Variants in PTPDC1 observed in about 807,000 individuals in gnomAD.
The protein encoded by PTPDC1 is protein tyrosine phosphatase domain-containing protein 1.
In PTPDC1, 53 loss-of-function variants were observed where a neutral mutation model predicts 75.3. The observed-to-expected ratio is 0.70, with a 90% CI of 0.56 to 0.88. The LOEUF is 0.88. PTPDC1 is among the 40% of genes least tolerant of loss of function. The pLI, the probability that PTPDC1 is intolerant of heterozygous loss-of-function variation, is 0.00. For synonymous variants in PTPDC1, 349 were observed against 366.2 expected, an observed-to-expected ratio of 0.95 and a Z score of 0.54; for missense variants, 925 against 998.6, an observed-to-expected ratio of 0.93 and a Z score of 0.99.
chr9:94,082,031 ACTC>A (rs534486552), upstream of PTPDC1, among the ~76,000 whole-genome samples: 65 of 152,338 alleles, frequency 4.3e-4, no homozygotes, highest in African/African-American at 1.5e-3. Context: ...AGTCCCAGCT[ACTC>A]AAGAGGCTGA....
At chr9:94,070,037 A>G (rs1826458758) in intron 2 of PTPDC1, among the ~76,000 whole-genome samples, 1 of 150,440 alleles carries the variant, frequency 6.6e-6, no homozygotes, top group African/African-American at 2.5e-5. Flanking sequence ...GTTAGCCAGG[A>G]TGGTCTGGAT....
Position 94,097,514 on chromosome 9 carries a change from C to G in PTPDC1, c.948C>G (p.Thr316=). 6.2e-7 allele frequency: 1 copy of G among 1,614,174 alleles called. No homozygotes were observed. Among genetic ancestry groups the G allele is most frequent in the Non-Finnish European group, 8.5e-7 (1 of 1,180,038 alleles). ...GTGATCCCAAAGCACATGCTGTCACCTTACCTCAATATCTAATTCGCCAGC... is the reference window on the plus strand; with the variant it reads ...GTGATCCCAAAGCACATGCTGTCACGTTACCTCAATATCTAATTCGCCAGC... The part of the protein sequence containing the change: ...SCCDPKAHAV[T]LPQYLIRQRH... Residue 316 remains threonine (T), a synonymous_variant, in exon 6 of 9, where the codon ACC becomes ACG. Transcript: ENST00000620992.
chr9:94,058,938 C>T (rs1826042483), intron 1 of PTPDC1, among the ~76,000 whole-genome samples: 1 of 152,120 alleles, frequency 6.6e-6, no homozygotes, highest in African/African-American at 2.4e-5. Flanking sequence ...TTGCAGTGAG[C>T]CGAGATTGTG....
Position 94,106,743 on chromosome 9 carries a change from T to A in PTPDC1, c.2311-1085T>A, listed in dbSNP as rs574133589. Reference sequence around the variant, plus strand: ...AATTCCAGAAGCAGAGAAGCAGTGATTGTGTGACCCTGATTCTTTCCCAGG... The same window carrying A: ...AATTCCAGAAGCAGAGAAGCAGTGAATGTGTGACCCTGATTCTTTCCCAGG... On this transcript the variant is annotated intron_variant, in intron 8 of 8. Coordinates refer to ENST00000620992, the MANE Select transcript of PTPDC1 (RefSeq NM_001253829.2). 3.3e-5 allele frequency among the ~76,000 whole-genome samples: 5 copies of A among 152,160 alleles called. No individual in the cohort carries two copies. In the East Asian group the frequency reaches 9.7e-4, roughly 29 times the overall value.
At chr9:94,032,160 AC>A (rs1829741126) in intron 1 of PTPDC1, among the ~76,000 whole-genome samples, 1 of 152,174 alleles carries the variant, frequency 6.6e-6, no homozygotes, top group South Asian at 2.1e-4. Context: ...CTCCAAAACC[AC>A]CCACTCATCC....
chr9:94,057,149 C>T (rs1825966652), intron 1 of PTPDC1, among the ~76,000 whole-genome samples: 1 of 152,018 alleles, frequency 6.6e-6, no homozygotes, highest in Non-Finnish European at 1.5e-5. Flanking sequence ...TACAGCTCAC[C>T]GAGGTTGCAG....
chr9:94,073,050 T>C (rs73516288), intron 2 of PTPDC1, among the ~76,000 whole-genome samples: 7,940 of 152,242 alleles, frequency 0.052, 641 homozygotes, highest in African/African-American at 0.18. Context: ...AGGTGGGAAA[T>C]GTTCCTTCTT....
chr9:94,091,746 T>C (rs1028958409), intron 4 of PTPDC1, among the ~76,000 whole-genome samples: 1 of 152,234 alleles, frequency 6.6e-6, no homozygotes, highest in Non-Finnish European at 1.5e-5. Flanking sequence ...TATTGATTAT[T>C]GCCACAATTT....
chr9:94,041,193 C>T (rs1825418481), intron 1 of PTPDC1, among the ~76,000 whole-genome samples: 1 of 152,136 alleles, frequency 6.6e-6, no homozygotes, highest in South Asian at 2.1e-4. Flanking sequence ...TGAGCAAAAG[C>T]TCTTTGAAAA....
At chr9:94,091,888 T>G in intron 4 of PTPDC1, among the ~76,000 whole-genome samples, 1 of 152,116 alleles carries the variant, frequency 6.6e-6, no homozygotes, top group Admixed American at 6.5e-5. Context: ...TTTGTAGTAT[T>G]CTCTGATGGT....
At chr9:94,085,627 A>C (rs997709590) in intron 2 of PTPDC1, among the ~76,000 whole-genome samples, 1 of 152,188 alleles carries the variant, frequency 6.6e-6, no homozygotes, top group African/African-American at 2.4e-5. Context: ...GAAATAATAA[A>C]ACCAAAACCA....
At chr9:94,045,855 C>T (rs1001721860) in intron 1 of PTPDC1, among the ~76,000 whole-genome samples, 5 of 152,060 alleles carry the variant, frequency 3.3e-5, no homozygotes, top group African/African-American at 1.2e-4. Flanking sequence ...TTAATTAGAT[C>T]CCATTTTTCA....
intron 2 of PTPDC1, among the ~76,000 whole-genome samples, chr9:94,071,840 C>T (rs577742705): frequency 6.6e-6 from 1 of 152,256 alleles, no homozygotes; most frequent in South Asian, 2.1e-4. Context: ...AGATTGCCAT[C>T]TTTACTTTGT....
At chr9:94,048,274 C>T (rs1825679206) in intron 1 of PTPDC1, among the ~76,000 whole-genome samples, 1 of 152,144 alleles carries the variant, frequency 6.6e-6, no homozygotes, top group Non-Finnish European at 1.5e-5. Context: ...TCTTGCTTCT[C>T]CAGTTCTTTT....
intron 4 of PTPDC1, among the ~76,000 whole-genome samples, chr9:94,090,871 GCT>G (rs1208575014): frequency 6.9e-6 from 1 of 144,792 alleles, no homozygotes; most frequent in Non-Finnish European, 1.5e-5. Context: ...TCATGATTTG[GCT>G]CTCTGTTTGT....
At chr9:94,036,602 A>G (rs562396176) in intron 1 of PTPDC1, among the ~76,000 whole-genome samples, 1 of 152,192 alleles carries the variant, frequency 6.6e-6, no homozygotes, top group East Asian at 1.9e-4. Context: ...TAACTTTTTG[A>G]GTGATAAGTT....
At chr9:94,044,225 C>T (rs1825518066) in intron 1 of PTPDC1, among the ~76,000 whole-genome samples, 1 of 152,116 alleles carries the variant, frequency 6.6e-6, no homozygotes, top group African/African-American at 2.4e-5. Context: ...TTTTATTACA[C>T]CTATAGATCA....
At position 94,098,278 on chromosome 9, in the gene PTPDC1, C is replaced by T. The variant is rs753059211; in HGVS notation, c.1712C>T (p.Pro571Leu). 4.3e-6 allele frequency: 7 copies of T among 1,614,204 alleles called. No homozygotes were observed. The highest frequency in any genetic ancestry group is 2.2e-5 in the East Asian group (1 of 44,880). ...SFANVHKDPNPAHQQVSHCQC... is the reference protein window; with the variant it reads ...SFANVHKDPNLAHQQVSHCQC... ...GCAAATGTCCATAAGGATCCAAACC[C>T]TGCTCACCAGCAAGTGTCTCACTGT... Residue 571 changes from proline (P) to leucine (L), a missense_variant, in exon 6 of 9, where the codon CCT (proline) becomes CTT (leucine). Pro to Leu is a moderately conservative substitution (Grantham distance 98). Coordinates refer to ENST00000620992, the MANE Select transcript of PTPDC1 (RefSeq NM_001253829.2).
At chr9:94,032,536 A>G (rs1296528397) in intron 1 of PTPDC1, among the ~76,000 whole-genome samples, 2 of 152,188 alleles carry the variant, frequency 1.3e-5, no homozygotes, top group African/African-American at 4.8e-5. Context: ...AAGGTTTAGG[A>G]GACAGCACCC....
Sources: gnomAD v4.1 joint callset for allele counts (sites outside exome capture counted in the v4.1 genomes callset) on GRCh38, gnomAD v4.1.1 for gene constraint, MANE v1.5 for transcripts, NCBI Gene and HGNC (gene_info 2026-07-23, HGNC 2026-07-21) for gene names.